The following GUCY1A2 variants were observed in gnomAD, a reference collection of about 807,000 sequenced individuals.
The protein encoded by GUCY1A2 is guanylate cyclase 1 soluble subunit alpha 2, also known as guanylate cyclase soluble subunit alpha-2.
A neutral mutation model predicts 63.5 loss-of-function variants in GUCY1A2; 27 were observed. That is an observed-to-expected ratio of 0.43 (90% confidence interval 0.31 to 0.59). The LOEUF (loss-of-function observed/expected upper bound fraction) is 0.59. GUCY1A2 is among the 20% of genes least tolerant of loss of function. GUCY1A2 has a pLI of 0.11. For synonymous variants in GUCY1A2, 364 were observed against 343.5 expected, an observed-to-expected ratio of 1.06 and a Z score of -0.66; for missense variants, 768 against 913.3, an observed-to-expected ratio of 0.84 and a Z score of 2.05.
At chr11:106,914,309 C>G (rs1860338900) in intron 4 of GUCY1A2, among the ~76,000 whole-genome samples, 1 of 152,006 alleles carries the variant, frequency 6.6e-6, no homozygotes. Context: ...AGTGCCACTC[C>G]TAATGTACAT....
intron 3 of GUCY1A2, among the ~76,000 whole-genome samples, chr11:106,946,092 G>T (rs929783874): frequency 2.6e-5 from 4 of 152,224 alleles, no homozygotes; most frequent in Non-Finnish European, 2.9e-5. Flanking sequence ...CTTGGATGGT[G>T]AGGAGAGGGG....
chr11:106,945,044 C>A (rs1286070065), intron 3 of GUCY1A2, among the ~76,000 whole-genome samples: 1 of 151,222 alleles, frequency 6.6e-6, no homozygotes, highest in Non-Finnish European at 1.5e-5. Context: ...TTCCCCTGAA[C>A]CATGGAAAAT....
intron 1 of GUCY1A2, among the ~76,000 whole-genome samples, chr11:107,002,744 T>C (rs1437672155): frequency 6.6e-6 from 1 of 152,190 alleles, no homozygotes; most frequent in Non-Finnish European, 1.5e-5. Flanking sequence ...GCTGCCATCA[T>C]TAATATATAT....
At chr11:106,979,316 G>GCA (rs1861304018) in intron 2 of GUCY1A2, among the ~76,000 whole-genome samples, 1 of 152,070 alleles carries the variant, frequency 6.6e-6, no homozygotes, top group African/African-American at 2.4e-5. Flanking sequence ...TTAGCCGGAA[G>GCA]TGGTGGCAGG....
intron 4 of GUCY1A2, among the ~76,000 whole-genome samples, chr11:106,854,926 C>T (rs1859407777): frequency 6.6e-6 from 1 of 152,126 alleles, no homozygotes; most frequent in South Asian, 2.1e-4. Flanking sequence ...GTGTAGTGCA[C>T]TGCATAGGCC....
At chr11:106,886,956 C>A (rs1859908880) in intron 4 of GUCY1A2, among the ~76,000 whole-genome samples, 1 of 152,216 alleles carries the variant, frequency 6.6e-6, no homozygotes, top group Admixed American at 6.5e-5. Flanking sequence ...CCTCACCCTG[C>A]ATCTCTGCCT....
At chr11:106,970,709 G>A (rs1008220220) in intron 3 of GUCY1A2, among the ~76,000 whole-genome samples, 1 of 152,104 alleles carries the variant, frequency 6.6e-6, no homozygotes, top group African/African-American at 2.4e-5. Flanking sequence ...TCCAACAATT[G>A]CACTCCTAAG....
At chr11:106,800,983 C>A (rs1019049422) in intron 5 of GUCY1A2, among the ~76,000 whole-genome samples, 2 of 152,060 alleles carry the variant, frequency 1.3e-5, no homozygotes, top group Non-Finnish European at 2.9e-5. Flanking sequence ...GTGATCAGAG[C>A]ATATGCTTCT....
At chr11:106,932,388 AT>A (rs1390716987) in intron 4 of GUCY1A2, among the ~76,000 whole-genome samples, 1 of 152,178 alleles carries the variant, frequency 6.6e-6, no homozygotes, top group East Asian at 1.9e-4. Context: ...TGTGTGGTTC[AT>A]TTAAAAAAAA....
chr11:106,772,963 A>G (rs1864283704), intron 6 of GUCY1A2, among the ~76,000 whole-genome samples: 1 of 152,184 alleles, frequency 6.6e-6, no homozygotes, highest in Non-Finnish European at 1.5e-5. Context: ...ACTAGATTTT[A>G]TTTTTAATGC....
At position 107,010,524 on chromosome 11, in the gene GUCY1A2, C is replaced by A. The variant is rs532585191; in HGVS notation, c.303+7229G>T. 1.4e-4 allele frequency among the ~76,000 whole-genome samples: 22 copies of A among 152,238 alleles called. No homozygotes were observed. The South Asian group carries it at 4.4e-3, about 30-fold the overall frequency. ...ATCTGCTCTTTTTGTAAAACGACTTCCTTCCGAAGTTTTGCTTTAAATAGC... is the reference window on the plus strand; with the variant it reads ...ATCTGCTCTTTTTGTAAAACGACTTACTTCCGAAGTTTTGCTTTAAATAGC... On this transcript the variant is annotated intron_variant, in intron 1 of 7. Coordinates refer to ENST00000526355, the MANE Select transcript of GUCY1A2 (RefSeq NM_000855.3).
At chr11:106,809,319 T>G (rs1858733732) in intron 5 of GUCY1A2, among the ~76,000 whole-genome samples, 1 of 152,132 alleles carries the variant, frequency 6.6e-6, no homozygotes, top group Non-Finnish European at 1.5e-5. Flanking sequence ...GAGTTATTGA[T>G]TAGGTAGATA....
intron 5 of GUCY1A2, among the ~76,000 whole-genome samples, chr11:106,783,751 G>A (rs191291159): frequency 1.3e-5 from 2 of 152,314 alleles, no homozygotes; most frequent in East Asian, 3.9e-4. Flanking sequence ...CATGTAGCAT[G>A]TCGTTAGATG....
At chr11:106,800,163 A>G (rs1864847555) in intron 5 of GUCY1A2, among the ~76,000 whole-genome samples, 1 of 152,236 alleles carries the variant, frequency 6.6e-6, no homozygotes, top group African/African-American at 2.4e-5. Context: ...GCCATCAGAG[A>G]AATGCAAATC....
Position 106,713,642 on chromosome 11 carries a change from G to T in GUCY1A2, c.1837-4976C>A, listed in dbSNP as rs1055723926. 3.3e-5 allele frequency among the ~76,000 whole-genome samples: 5 copies of T among 151,378 alleles called. No individual in the cohort carries two copies. In the East Asian group the frequency reaches 9.8e-4, roughly 30 times the overall value. ...CTGCCTCAGCCTTCCGAGTAGCTGG[G>T]ACTACAGGCGCCCGCCACCACGCCT... On this transcript the variant is annotated intron_variant, in intron 6 of 7. Coordinates refer to ENST00000526355, the MANE Select transcript of GUCY1A2 (RefSeq NM_000855.3).
intron 6 of GUCY1A2, among the ~76,000 whole-genome samples, chr11:106,736,523 G>A (rs1260292823): frequency 2.0e-5 from 3 of 151,972 alleles, no homozygotes; most frequent in African/African-American, 7.3e-5. Flanking sequence ...ATGCTGTTTT[G>A]GTTACCATAG....
chr11:106,831,366 T>C (rs1330276848), intron 4 of GUCY1A2, among the ~76,000 whole-genome samples: 1 of 152,156 alleles, frequency 6.6e-6, no homozygotes, highest in Non-Finnish European at 1.5e-5. Flanking sequence ...CCTTGGAAGC[T>C]TGCTGTGCTG....
chr11:106,851,592 T>C (rs1859355971), intron 4 of GUCY1A2, among the ~76,000 whole-genome samples: 1 of 151,998 alleles, frequency 6.6e-6, no homozygotes, highest in Non-Finnish European at 1.5e-5. Flanking sequence ...CCCTTCACTA[T>C]TTATTGAAGA....
At chr11:106,748,208 A>G (rs1315289012) in intron 6 of GUCY1A2, among the ~76,000 whole-genome samples, 1 of 152,186 alleles carries the variant, frequency 6.6e-6, no homozygotes, top group Non-Finnish European at 1.5e-5. Context: ...GGTGATTATG[A>G]TAATAGAGCT....
Sources: gnomAD v4.1 joint callset for allele counts (sites outside exome capture counted in the v4.1 genomes callset) on GRCh38, gnomAD v4.1.1 for gene constraint, MANE v1.5 for transcripts, NCBI Gene and HGNC (gene_info 2026-07-23, HGNC 2026-07-21) for gene names.